STK32A: variants seen among roughly 807,000 people sequenced by gnomAD.
The protein encoded by STK32A is serine/threonine-protein kinase 32A.
A neutral mutation model predicts 53.2 loss-of-function variants in STK32A; 41 were observed. The observed-to-expected ratio is 0.77, with a 90% confidence interval of 0.60 to 1.00. STK32A has a LOEUF of 1.00. Among genes scored for constraint, STK32A ranks in the 50% least tolerant of loss-of-function variants. The pLI is 0.00. For synonymous variants in STK32A, 166 were observed against 162.8 expected (o/e 1.02, Z -0.15); for missense variants, 458 against 485.8 (o/e 0.94, Z 0.54).
intron 7 of STK32A, among the ~76,000 whole-genome samples, chr5:147,355,821 C>G (rs1756211538): frequency 7.0e-6 from 1 of 142,780 alleles, no homozygotes; most frequent in South Asian, 2.1e-4. Context: ...TAAATAAGTT[C>G]ACTATGGACT....
At chr5:147,288,295 T>C (rs182858170) in intron 4 of STK32A, among the ~76,000 whole-genome samples, 95 of 152,346 alleles carry the variant, frequency 6.2e-4, no homozygotes, top group Non-Finnish European at 8.8e-4. Context: ...GAGAAAAATC[T>C]TCACAAATCT....
At chr5:147,236,541 A>C (rs1753330853) in intron 1 of STK32A, among the ~76,000 whole-genome samples, 1 of 152,180 alleles carries the variant, frequency 6.6e-6, no homozygotes, top group African/African-American at 2.4e-5. Context: ...TGAAAAAAAA[A>C]ATCTAATTTG....
chr5:147,272,549 T>C (rs6881554), intron 2 of STK32A, among the ~76,000 whole-genome samples: 89,489 of 151,890 alleles, frequency 0.59, 26,712 homozygotes, highest in African/African-American at 0.67. Flanking sequence ...TGTATGCTCC[T>C]ATTGGAATGA....
At chr5:147,333,290 T>G (rs1054237428) in intron 5 of STK32A, among the ~76,000 whole-genome samples, 2 of 152,212 alleles carry the variant, frequency 1.3e-5, no homozygotes, top group African/African-American at 4.8e-5. Context: ...TATCAGGGCG[T>G]AACCCATTGC....
At chr5:147,358,644 G>A (rs1192814839) in intron 7 of STK32A, among the ~76,000 whole-genome samples, 4 of 152,180 alleles carry the variant, frequency 2.6e-5, no homozygotes, top group Non-Finnish European at 5.9e-5. Flanking sequence ...ACATACCATT[G>A]AGTAAGAAAA....
intron 2 of STK32A, among the ~76,000 whole-genome samples, chr5:147,277,547 G>C (rs1751819519): frequency 6.6e-6 from 1 of 152,162 alleles, no homozygotes; most frequent in South Asian, 2.1e-4. Flanking sequence ...TACACACTTA[G>C]AGGTGTAATA....
intron 8 of STK32A, among the ~76,000 whole-genome samples, chr5:147,367,623 T>G (rs897715627): frequency 6.6e-6 from 1 of 152,110 alleles, no homozygotes; most frequent in African/African-American, 2.4e-5. Flanking sequence ...GGGGGACGTT[T>G]TGAGCCAGGA....
intron 7 of STK32A, among the ~76,000 whole-genome samples, chr5:147,352,030 C>T (rs1011873877): frequency 6.6e-6 from 1 of 152,184 alleles, no homozygotes; most frequent in South Asian, 2.1e-4. Flanking sequence ...CACAACAATC[C>T]CATGAATTCT....
Position 147,322,955 on chromosome 5 carries a change from G to A in STK32A, c.261-943G>A, listed in dbSNP as rs374414339. Reference sequence around the variant, plus strand: ...ATTCTGCCGCCTTCTCCAGACACAAGTTTCCCCTCATACCTGTTGTTCCAG... The same window carrying A: ...ATTCTGCCGCCTTCTCCAGACACAAATTTCCCCTCATACCTGTTGTTCCAG... On this transcript the variant is annotated intron_variant, in intron 4 of 12. Coordinates refer to ENST00000397936, the MANE Select transcript of STK32A (RefSeq NM_001112724.2). 5.3e-5 allele frequency among the ~76,000 whole-genome samples: 8 copies of A among 152,252 alleles called. No homozygotes were observed. The East Asian group carries it at 1.4e-3, about 26-fold the overall frequency.
the STK32A span, chr5:147,399,275 A>G: frequency 6.2e-7 from 1 of 1,610,078 alleles, no homozygotes; most frequent in Non-Finnish European, 8.5e-7. Flanking sequence ...AAGAAATTAT[A>G]TCTATATCTA....
At chr5:147,351,569 C>G (rs1236767454) in intron 7 of STK32A, among the ~76,000 whole-genome samples, 1 of 152,078 alleles carries the variant, frequency 6.6e-6, no homozygotes, top group Non-Finnish European at 1.5e-5. Context: ...CCAAACAAGG[C>G]CGGGCATGGT....
the STK32A span, chr5:147,395,526 T>G: frequency 6.3e-7 from 1 of 1,585,214 alleles, no homozygotes; most frequent in East Asian, 2.3e-5. Context: ...CCTTCCCCCT[T>G]CTCTTATCTT....
chr5:147,383,527 A>C, intron 12 of STK32A, 22 bp downstream of exon 12: 1 of 1,555,986 alleles, frequency 6.4e-7, no homozygotes, highest in Non-Finnish European at 8.7e-7. Flanking sequence ...CTGGGAGAAC[A>C]ACAGCCCCAG....
chr5:147,279,107 C>T, intron 3 of STK32A, 140 bp from the exon 4 acceptor site: 2 of 600,266 alleles, frequency 3.3e-6, no homozygotes, highest in Non-Finnish European at 5.1e-6. Flanking sequence ...AAAATCAGAG[C>T]TAAGTGGGAG....
intron 11 of STK32A, among the ~76,000 whole-genome samples, chr5:147,379,064 G>A (rs1204022609): frequency 6.6e-6 from 1 of 151,508 alleles, no homozygotes; most frequent in Non-Finnish European, 1.5e-5. Context: ...AACCTGGAAT[G>A]TTTTTCCATT....
rs147097565 is a variant in STK32A, at chr5:147,313,500, T to C, written c.261-10398T>C. Reference sequence around the variant, plus strand: ...AGCACTGTGGCCTCAAATTTATCTGTAGATTCTATACAATCCCCATCAAAA... The same window carrying C: ...AGCACTGTGGCCTCAAATTTATCTGCAGATTCTATACAATCCCCATCAAAA... On this transcript the variant is annotated intron_variant, in intron 4 of 12. Coordinates refer to ENST00000397936, the MANE Select transcript of STK32A (RefSeq NM_001112724.2). Among the ~76,000 whole-genome samples the C allele has an allele frequency of 1.7e-3, 262 of 152,332 alleles. 5 individuals carry two copies. In the East Asian group the frequency reaches 0.033, roughly 19 times the overall value.
chr5:147,392,537 G>A (rs577580337), downstream of STK32A: 1 of 152,228 alleles, frequency 6.6e-6, no homozygotes, highest in Non-Finnish European at 1.5e-5. Context: ...CTGATCCCAG[G>A]TTGAACATAT....
At chr5:147,348,691 A>C (rs1755809300) in intron 6 of STK32A, 1 of 773,442 alleles carries the variant, frequency 1.3e-6, no homozygotes, top group Non-Finnish European at 2.4e-6. Flanking sequence ...TGTTTTTAAT[A>C]CAGATACCTG....
At chr5:147,277,995 T>G in intron 2 of STK32A, 129 bp from the exon 3 acceptor site, 1 of 728,096 alleles carries the variant, frequency 1.4e-6, no homozygotes, top group Non-Finnish European at 2.3e-6. Flanking sequence ...ATGATTAGAT[T>G]GGCATTTTAA....
Sources: allele counts gnomAD v4.1 joint callset (sites outside exome capture counted in the v4.1 genomes callset), GRCh38; gene constraint gnomAD v4.1.1; transcripts MANE v1.5; gene names NCBI Gene and HGNC (gene_info 2026-07-23, HGNC 2026-07-21).